Variants in ITGA8 observed in about 807,000 individuals in gnomAD.
The protein encoded by ITGA8 is integrin alpha-8.
A neutral mutation model predicts 142.3 loss-of-function variants in ITGA8; 91 were observed. The observed-to-expected ratio is 0.64, with a 90% CI of 0.54 to 0.76. The LOEUF (loss-of-function observed/expected upper bound fraction) is 0.76. Among genes scored for constraint, ITGA8 ranks in the 30% least tolerant of loss-of-function variants. The pLI, the probability that ITGA8 is intolerant of heterozygous loss-of-function variation, is 0.00. For missense variants in ITGA8, 1,406 were observed against 1,327.7 expected (o/e 1.06, Z -0.92); for synonymous variants, 505 against 485.2 (o/e 1.04, Z -0.54).
At chr10:15,701,893 A>G (rs1835171770) in intron 2 of ITGA8, among the ~76,000 whole-genome samples, 1 of 152,218 alleles carries the variant, frequency 6.6e-6, no homozygotes, top group Non-Finnish European at 1.5e-5. Context: ...ATCATAGTCA[A>G]ATTTATGCTA....
intron 2 of ITGA8, among the ~76,000 whole-genome samples, chr10:15,710,256 A>T (rs184475834): frequency 6.6e-6 from 1 of 152,098 alleles, no homozygotes. Flanking sequence ...TATGTTTTTT[A>T]TTTACCACTG....
intron 4 of ITGA8, among the ~76,000 whole-genome samples, chr10:15,680,887 TC>T (rs1834724912): frequency 6.6e-6 from 1 of 152,112 alleles, no homozygotes. Flanking sequence ...TTTTTTTTTT[TC>T]CTTGTTGAAT....
chr10:15,644,629 A>G (rs899690788), intron 12 of ITGA8, among the ~76,000 whole-genome samples: 1 of 150,094 alleles, frequency 6.7e-6, no homozygotes, highest in African/African-American at 2.4e-5. Context: ...GTGCTTGGCC[A>G]TAGAGACGTT....
intron 26 of ITGA8, 39 bp from the exon 27 acceptor site, chr10:15,548,607 C>G: frequency 1.5e-6 from 2 of 1,315,196 alleles, no homozygotes; most frequent in Non-Finnish European, 2.2e-6. Context: ...GTCTTTAAAT[C>G]ATGGTAGAGA....
intron 11 of ITGA8, among the ~76,000 whole-genome samples, chr10:15,649,676 T>C (rs561086405): frequency 1.3e-5 from 2 of 148,974 alleles, no homozygotes; most frequent in South Asian, 2.1e-4. Flanking sequence ...AAAAGATAGA[T>C]GGCAAGCAAG....
chr10:15,588,156 T>C (rs1244171141), intron 22 of ITGA8, among the ~76,000 whole-genome samples: 1 of 152,212 alleles, frequency 6.6e-6, no homozygotes, highest in East Asian at 1.9e-4. Flanking sequence ...GACTAGCTTT[T>C]GAAGCTTTCC....
chr10:15,663,042 C>T (rs529211803), intron 8 of ITGA8, among the ~76,000 whole-genome samples: 10 of 152,214 alleles, frequency 6.6e-5, no homozygotes, highest in East Asian at 1.9e-4. Flanking sequence ...TTAGGGGTTC[C>T]GATCCAGTGA....
chr10:15,591,922 G>A (rs564149119), intron 22 of ITGA8, among the ~76,000 whole-genome samples: 29 of 152,306 alleles, frequency 1.9e-4, no homozygotes, highest in African/African-American at 6.7e-4. Context: ...GGGAATTAGG[G>A]TGGGGAAAGA....
At chr10:15,545,133 G>A (rs1833643884) in intron 27 of ITGA8, among the ~76,000 whole-genome samples, 1 of 152,176 alleles carries the variant, frequency 6.6e-6, no homozygotes, top group African/African-American at 2.4e-5. Flanking sequence ...AATTTGTTAT[G>A]CACCAATAGA....
intron 8 of ITGA8, among the ~76,000 whole-genome samples, chr10:15,670,530 C>T (rs1369504175): frequency 6.6e-6 from 1 of 152,154 alleles, no homozygotes; most frequent in Admixed American, 6.5e-5. Flanking sequence ...ATGGTCTAGT[C>T]TTTGTAAAAG....
At chr10:15,672,809 G>A in intron 6 of ITGA8, 60 bp from the exon 7 acceptor site, 3 of 1,476,690 alleles carry the variant, frequency 2.0e-6, no homozygotes, top group Non-Finnish European at 2.7e-6. Context: ...CCCTCCATGA[G>A]CAGACCCACA....
At chr10:15,538,523 A>AC (rs1453306829) in intron 27 of ITGA8, among the ~76,000 whole-genome samples, 2 of 150,796 alleles carry the variant, frequency 1.3e-5, no homozygotes, top group Non-Finnish European at 1.5e-5. Context: ...AAAAAAAAAA[A>AC]AAAAAAAACT....
chr10:15,704,460 C>A (rs1024024861), intron 2 of ITGA8, among the ~76,000 whole-genome samples: 5 of 151,892 alleles, frequency 3.3e-5, no homozygotes, highest in Admixed American at 6.6e-5. Context: ...GTTTACAAAA[C>A]CCTTCCCCTG....
At position 15,613,559 on chromosome 10, in the gene ITGA8, G is replaced by C; in HGVS notation, c.1553+101C>G. 6.0e-6 allele frequency: 5 copies of C among 835,020 alleles called. No individual in the cohort carries two copies. In the South Asian group the frequency reaches 6.3e-5, roughly 11 times the overall value. The allele number at this position is 835,020 out of a possible 1,614,324, so 51.7% of individuals were successfully genotyped here. On this transcript the variant is annotated intron_variant, in intron 15 of 29. Coordinates refer to ENST00000378076, the MANE Select transcript of ITGA8 (RefSeq NM_003638.3). Reference sequence around the variant, plus strand: ...CTTTTTTCGAGAAATGCAAAATCTAGGCCCTACCCCAGACTTACTGAATCC... The same window carrying C: ...CTTTTTTCGAGAAATGCAAAATCTACGCCCTACCCCAGACTTACTGAATCC...
intron 27 of ITGA8, among the ~76,000 whole-genome samples, chr10:15,532,464 G>T (rs1833329499): frequency 7.4e-6 from 1 of 135,684 alleles, no homozygotes; most frequent in Admixed American, 7.5e-5. Context: ...GTTACAGCCA[G>T]TTGTCCCCAG....
intron 20 of ITGA8, 126 bp from the exon 21 acceptor site, chr10:15,597,425 G>C (rs1588665877): frequency 1.4e-6 from 1 of 693,686 alleles, no homozygotes; most frequent in South Asian, 1.7e-5. Flanking sequence ...TGCAAAAAAA[G>C]TAATTGATGA....
intron 13 of ITGA8, among the ~76,000 whole-genome samples, chr10:15,635,150 G>T (rs1355549278): frequency 6.6e-6 from 1 of 151,612 alleles, no homozygotes; most frequent in African/African-American, 2.4e-5. Context: ...GGGACTACAG[G>T]CACGTGCTAC....
At chr10:15,547,355 C>T (rs1391648997) in intron 27 of ITGA8, among the ~76,000 whole-genome samples, 4 of 152,136 alleles carry the variant, frequency 2.6e-5, no homozygotes, top group African/African-American at 7.2e-5. Flanking sequence ...GTGGATCAGT[C>T]GAGGCCAGGA....
chr10:15,623,355 C>T (rs1482619089), intron 13 of ITGA8, among the ~76,000 whole-genome samples: 1 of 152,066 alleles, frequency 6.6e-6, no homozygotes, highest in Admixed American at 6.6e-5. Flanking sequence ...TGCACAACTA[C>T]ATGCTGTTTT....
Sources: gnomAD v4.1 joint callset for allele counts (sites outside exome capture counted in the v4.1 genomes callset) on GRCh38, gnomAD v4.1.1 for gene constraint, MANE v1.5 for transcripts, NCBI Gene and HGNC (gene_info 2026-07-23, HGNC 2026-07-21) for gene names.